RNGTT: variants seen among roughly 807,000 people sequenced by gnomAD.
RNGTT encodes the protein RNA guanylyltransferase and 5'-phosphatase.
A neutral mutation model predicts 79.3 loss-of-function variants in RNGTT; 33 were observed. That is an observed-to-expected ratio of 0.42 (90% confidence interval 0.32 to 0.56). RNGTT has a LOEUF of 0.56. Among genes scored for constraint, RNGTT ranks in the 20% least tolerant of loss-of-function variants. RNGTT has a pLI of 0.17. For missense variants in RNGTT, 497 were observed against 739.1 expected (o/e 0.67, Z 3.80); for synonymous variants, 222 against 235.9 (o/e 0.94, Z 0.54).
At chr6:88,875,914 T>C (rs151118033) in intron 8 of RNGTT, among the ~76,000 whole-genome samples, 8 of 152,340 alleles carry the variant, frequency 5.3e-5, no homozygotes, top group African/African-American at 1.9e-4. Context: ...ACATTACTTA[T>C]ATTAAGTGAA....
intron 12 of RNGTT, among the ~76,000 whole-genome samples, chr6:88,800,366 T>C (rs1300285815): frequency 1.3e-5 from 2 of 152,314 alleles, no homozygotes; most frequent in Non-Finnish European, 1.5e-5. Flanking sequence ...ATAAATTTTA[T>C]AGCATATCAG....
At chr6:88,778,374 G>C (rs975076814) in intron 12 of RNGTT, among the ~76,000 whole-genome samples, 9 of 151,924 alleles carry the variant, frequency 5.9e-5, no homozygotes, top group Non-Finnish European at 4.4e-5. Flanking sequence ...GCATTATGGA[G>C]GGTGGGGCCA....
chr6:88,935,946 G>T (rs1322431482), intron 2 of RNGTT, among the ~76,000 whole-genome samples: 1 of 152,106 alleles, frequency 6.6e-6, no homozygotes, highest in Non-Finnish European at 1.5e-5. Flanking sequence ...CAAAGACAGG[G>T]TCTCATTCTT....
chr6:88,645,604 T>C (rs1253243864), intron 14 of RNGTT, among the ~76,000 whole-genome samples: 10 of 152,132 alleles, frequency 6.6e-5, no homozygotes, highest in South Asian at 2.1e-4. Flanking sequence ...CTCCAAAGTA[T>C]ACTACAAGGC....
intron 11 of RNGTT, among the ~76,000 whole-genome samples, chr6:88,835,975 A>AACACACACACACACACAC (rs72228554): frequency 6.2e-4 from 71 of 113,764 alleles, no homozygotes; most frequent in Non-Finnish European, 1.0e-3. Flanking sequence ...CTCTATTAAA[A>AACACACACACACACACAC]ACACACACAC....
intron 10 of RNGTT, among the ~76,000 whole-genome samples, chr6:88,845,046 TTTAA>T (rs904944679): frequency 2.0e-5 from 3 of 152,276 alleles, no homozygotes; most frequent in Admixed American, 6.5e-5. Context: ...ACTAGTCTTT[TTTAA>T]TTATTTATAT....
chr6:88,628,258 TC>T, intron 14 of RNGTT, among the ~76,000 whole-genome samples: 1 of 152,266 alleles, frequency 6.6e-6, no homozygotes. Context: ...ATTATCTGCA[TC>T]AAGTATCACA....
chr6:88,744,354 C>T (rs970922272), intron 13 of RNGTT, among the ~76,000 whole-genome samples: 14 of 152,006 alleles, frequency 9.2e-5, no homozygotes, highest in African/African-American at 2.9e-4. Flanking sequence ...CTCCACCTCC[C>T]GGGTTTAAGC....
chr6:88,834,837 C>T (rs951873654), intron 11 of RNGTT, among the ~76,000 whole-genome samples: 9 of 124,590 alleles, frequency 7.2e-5, no homozygotes, highest in Admixed American at 1.6e-4. Flanking sequence ...GAAAATAAAT[C>T]TGAATGCCAA....
chr6:88,645,151 C>A (rs1485239643), intron 14 of RNGTT, among the ~76,000 whole-genome samples: 1 of 152,236 alleles, frequency 6.6e-6, no homozygotes, highest in Non-Finnish European at 1.5e-5. Context: ...GCAACTTCAG[C>A]AAAGTCTCAG....
At chr6:88,857,253 A>C (rs1781872510) in intron 8 of RNGTT, among the ~76,000 whole-genome samples, 1 of 152,178 alleles carries the variant, frequency 6.6e-6, no homozygotes, top group South Asian at 2.1e-4. Flanking sequence ...AACTAATACC[A>C]CCTTAGAGTC....
intron 2 of RNGTT, among the ~76,000 whole-genome samples, chr6:88,935,392 T>G (rs1784634431): frequency 6.6e-6 from 1 of 152,128 alleles, no homozygotes. Flanking sequence ...GCTTTGGTTA[T>G]TCAGGCTCAT....
At chr6:88,813,432 C>G (rs1001985096) in intron 11 of RNGTT, among the ~76,000 whole-genome samples, 138 of 152,204 alleles carry the variant, frequency 9.1e-4, no homozygotes, top group African/African-American at 3.1e-3. Flanking sequence ...AAAGTCAGCA[C>G]AGAGAGACAG....
At chr6:88,899,347 A>G (rs910097313) in intron 6 of RNGTT, among the ~76,000 whole-genome samples, 10 of 151,782 alleles carry the variant, frequency 6.6e-5, no homozygotes, top group Non-Finnish European at 1.3e-4. Context: ...ATCACAGCTC[A>G]CTGACTGCAG....
rs544934743 is a variant in RNGTT, at chr6:88,656,073, A to G, written c.1506+22280T>C. Among the ~76,000 whole-genome samples, 10 of 152,320 alleles carry G rather than the reference A, an allele frequency of 6.6e-5. No homozygotes were observed. In the South Asian group the frequency reaches 1.7e-3, roughly 25 times the overall value. ...TGAAAAATAGAATATATATATTAAG[A>G]TAAAGGTATTATGAAAAGATATATA... On this transcript the variant is annotated intron_variant, in intron 14 of 15. Transcript: ENST00000369485.
intron 13 of RNGTT, among the ~76,000 whole-genome samples, chr6:88,729,003 C>T (rs906096581): frequency 2.6e-5 from 4 of 152,272 alleles, no homozygotes; most frequent in African/African-American, 7.2e-5. Flanking sequence ...TCCAGTCGAC[C>T]GGGCGTGGGC....
intron 1 of RNGTT, among the ~76,000 whole-genome samples, chr6:88,946,843 G>C (rs1257594589): frequency 7.1e-6 from 1 of 141,734 alleles, no homozygotes; most frequent in Non-Finnish European, 1.5e-5. Context: ...ATGGGGTTTC[G>C]CTGTGTTGGC....
In RNGTT at chr6:88,743,328, A is replaced by G. The variant is rs549965903; in HGVS notation, c.1439+26446T>C. Among the ~76,000 whole-genome samples, 177 of 152,332 alleles carry G rather than the reference A, an allele frequency of 1.2e-3. 9 individuals carry two copies. The South Asian group carries it at 0.035, about 30-fold the overall frequency. On this transcript the variant is annotated intron_variant, in intron 13 of 15. Coordinates refer to ENST00000369485, the MANE Select transcript of RNGTT (RefSeq NM_003800.5). The stretch of plus-strand genomic sequence containing the variant: ...AATTTTTTTTATTACGGTAAAATAT[A>G]CAGAACAAAATGTAGCATCTTAACC...
intron 12 of RNGTT, among the ~76,000 whole-genome samples, chr6:88,773,756 G>A (rs1489854739): frequency 6.6e-6 from 1 of 152,082 alleles, no homozygotes; most frequent in Non-Finnish European, 1.5e-5. Flanking sequence ...GGGACAGCTG[G>A]TTTTCCACAT....
Sources: gnomAD v4.1 joint callset for allele counts (sites outside exome capture counted in the v4.1 genomes callset) on GRCh38, gnomAD v4.1.1 for gene constraint, MANE v1.5 for transcripts, NCBI Gene and HGNC (gene_info 2026-07-23, HGNC 2026-07-21) for gene names.